Variants in CFAP157 observed in about 807,000 individuals in gnomAD.
CFAP157 encodes the protein cilia- and flagella-associated protein 157.
A neutral mutation model predicts 57.8 loss-of-function variants in CFAP157; 43 were observed. The ratio of observed to expected loss-of-function variants is 0.74; its 90% CI spans 0.58 to 0.96. The LOEUF (loss-of-function observed/expected upper bound fraction) is 0.96. Ranked by LOEUF, CFAP157 falls within the 40% of genes least tolerant of loss-of-function variation. The pLI is 0.00. For synonymous variants in CFAP157, 267 were observed against 269.0 expected (o/e 0.99, Z 0.07); for missense variants, 606 against 655.3 (o/e 0.92, Z 0.82).
rs933718618 is a variant in CFAP157, at chr9:127,709,011, C to CA, written c.162-410dup. 6.6e-6 allele frequency among the ~76,000 whole-genome samples: 1 copy of CA among 152,204 alleles called. No individual in the cohort carries two copies. ...GTCCTGGCTGTGCCACTTACAAACT[C>CA]AGAGTTCCTTTATCCTTCTGAGCCT... On this transcript the variant is annotated intron_variant, in intron 1 of 8. Coordinates refer to ENST00000373295, the MANE Select transcript of CFAP157 (RefSeq NM_001012502.3). The surrounding 1 kb of genome is among the most constrained non-coding windows in gnomAD (Gnocchi z 4.7).
intron 6 of CFAP157, 154 bp downstream of exon 6, chr9:127,712,503 A>G: frequency 6.8e-7 from 1 of 1,465,652 alleles, no homozygotes; most frequent in Non-Finnish European, 9.1e-7. Flanking sequence ...CTGGCCTTCA[A>G]AGATCCCTCC....
Position 127,713,709 on chromosome 9 carries a change from G to A in CFAP157, c.1492-125G>A. On this transcript the variant is annotated intron_variant, in intron 8 of 8. Transcript: ENST00000373295. ...TTTAGTAGAGACAGGGTTTCACCAT[G>A]TTGGCCAGGCTGGTCTCGAACTCCT... 5 of 718,572 alleles carry A rather than the reference G, an allele frequency of 7.0e-6. No homozygotes were observed. In the South Asian group the frequency reaches 7.6e-5, roughly 11 times the overall value. The allele number at this position is 718,572 out of a possible 1,614,324, so 44.5% of individuals were successfully genotyped here.
In CFAP157 at chr9:127,711,225, C is replaced by G; in HGVS notation, c.588-4C>G. ...ACCCCTTCCCCTCCCACCTTTCTGG[C>G]CAGACTGAGGAAAGAGATCATCCAG... is the stretch of plus-strand genomic sequence containing the variant. On this transcript the variant is annotated splice_region_variant and splice_polypyrimidine_tract_variant and intron_variant, in intron 3 of 8. Coordinates refer to ENST00000373295, the MANE Select transcript of CFAP157 (RefSeq NM_001012502.3). 1 of 1,613,078 alleles carries G rather than the reference C, an allele frequency of 6.2e-7. No individual in the cohort carries two copies. Among genetic ancestry groups the G allele is most frequent in the African/African-American group, 1.3e-5 (1 of 75,042 alleles).
chr9:127,712,541 T>C (rs1842790262), intron 6 of CFAP157, 168 bp from the exon 7 acceptor site: 4 of 1,513,492 alleles, frequency 2.6e-6, no homozygotes, highest in Non-Finnish European at 3.6e-6. Flanking sequence ...GGATTCCTTC[T>C]CTGAGGCTCT....
rs1293846091 is a variant in CFAP157, at chr9:127,715,552, G to A, written c.*1647G>A. ...CGCCCCACGCCACTCACCATCCACCGCTTCCCCGGGGGGCGAGGCTCCAAA... is the reference window on the plus strand; with the variant it reads ...CGCCCCACGCCACTCACCATCCACCACTTCCCCGGGGGGCGAGGCTCCAAA... On this transcript the variant is annotated 3_prime_UTR_variant, in exon 9 of 9. Transcript: ENST00000373295. This position sits in a 1 kb window ranked among gnomAD's most constrained non-coding sequence, Gnocchi z 5.8. 1.2e-6 allele frequency: 2 copies of A among 1,613,376 alleles called. No homozygotes were observed. Among genetic ancestry groups the A allele is most frequent in the African/African-American group, 2.7e-5 (2 of 74,942 alleles).
In CFAP157 at chr9:127,715,752, T is replaced by C; in HGVS notation, c.*1847T>C. ...AACGTCCAATCCGGGCCGGGCTACGTGGCCGCCATGCTTCTGAGGGGCGGA... is the reference window on the plus strand; with the variant it reads ...AACGTCCAATCCGGGCCGGGCTACGCGGCCGCCATGCTTCTGAGGGGCGGA... On this transcript the variant is annotated 3_prime_UTR_variant, in exon 9 of 9. Coordinates refer to ENST00000373295, the MANE Select transcript of CFAP157 (RefSeq NM_001012502.3). This position sits in a 1 kb window ranked among gnomAD's most constrained non-coding sequence, Gnocchi z 5.8. The C allele has an allele frequency of 1.3e-6, 2 of 1,530,820 alleles. No homozygotes were observed. The highest frequency in any genetic ancestry group is 2.4e-5 in the East Asian group (1 of 40,918). The allele number at this position is 1,530,820 out of a possible 1,614,324, so 94.8% of individuals were successfully genotyped here. A position where few individuals can be genotyped will look rare whatever the true frequency, so the allele number is the denominator to read the frequency against.
Position 127,714,866 on chromosome 9 carries a change from C to G in CFAP157, c.*961C>G. ...TGCAGCAACTGGAGCTCAACAGGTA[C>G]TTGGAGGTGAACCCGCGGATCTGTC... On this transcript the variant is annotated 3_prime_UTR_variant, in exon 9 of 9. Coordinates refer to ENST00000373295, the MANE Select transcript of CFAP157 (RefSeq NM_001012502.3). 1 of 1,082,192 alleles carries G rather than the reference C, an allele frequency of 9.2e-7. No individual in the cohort carries two copies. The highest frequency in any genetic ancestry group is 1.3e-6 in the Non-Finnish European group (1 of 755,904). The allele number at this position is 1,082,192 out of a possible 1,614,324, so 67.0% of individuals were successfully genotyped here.
Position 127,713,814 on chromosome 9 carries a change from C to A in CFAP157, c.1492-20C>A. ...GAGCCACTGCACCCGGCCTCCAAGC[C>A]AGCATCTTTAATCTTACAGATGCGT... On this transcript the variant is annotated intron_variant, in intron 8 of 8. Coordinates refer to ENST00000373295, the MANE Select transcript of CFAP157 (RefSeq NM_001012502.3). The A allele has an allele frequency of 6.2e-7, 1 of 1,611,878 alleles. No homozygotes were observed. Among genetic ancestry groups the A allele is most frequent in the South Asian group, 1.1e-5 (1 of 91,032 alleles).
chr9:127,715,406 G>A lies in CFAP157; in HGVS notation c.*1501G>A, dbSNP rs1011053023. ...TAGTGCAGGAACGGAGCTTCAAGAA[G>A]TTTGGAGCCCGTCGAGCACTGAACT... On this transcript the variant is annotated 3_prime_UTR_variant, in exon 9 of 9. Coordinates refer to ENST00000373295, the MANE Select transcript of CFAP157 (RefSeq NM_001012502.3). The surrounding 1 kb of genome is among the most constrained non-coding windows in gnomAD (Gnocchi z 5.8). 8 of 1,359,192 alleles carry A rather than the reference G, an allele frequency of 5.9e-6. No homozygotes were observed. Among genetic ancestry groups the A allele is most frequent in the Non-Finnish European group, 1.0e-6 (1 of 979,888 alleles). The allele number at this position is 1,359,192 out of a possible 1,614,324, so 84.2% of individuals were successfully genotyped here.
rs1349842036 is a variant in CFAP157, at chr9:127,715,260, G to C, written c.*1355G>C. On this transcript the variant is annotated 3_prime_UTR_variant, in exon 9 of 9. Transcript: ENST00000373295. The surrounding 1 kb of genome is among the most constrained non-coding windows in gnomAD (Gnocchi z 5.8). ...GCCACCCCCGATCTCACAGCGTCCC[G>C]TGGGCCCCAACGCAGAGGAGCGGAA... The C allele has an allele frequency of 2.0e-6, 3 of 1,480,974 alleles. No individual in the cohort carries two copies. Among genetic ancestry groups the C allele is most frequent in the Non-Finnish European group, 9.1e-7 (1 of 1,097,160 alleles). The allele number at this position is 1,480,974 out of a possible 1,614,324, so 91.7% of individuals were successfully genotyped here. A position where few individuals can be genotyped will look rare whatever the true frequency, so the allele number is the denominator to read the frequency against.
Position 127,709,436 on chromosome 9 carries a change from G to C in CFAP157, c.176G>C (p.Trp59Ser). 1 of 1,613,478 alleles carries C rather than the reference G, an allele frequency of 6.2e-7. No individual in the cohort carries two copies. Among genetic ancestry groups the C allele is most frequent in the Non-Finnish European group, 8.5e-7 (1 of 1,179,920 alleles). Residue 59 changes from tryptophan (W) to serine (S), a missense_variant, in exon 2 of 9, where the codon TGG (tryptophan) becomes TCG (serine). Transcript: ENST00000373295. This position sits in a 1 kb window ranked among gnomAD's most constrained non-coding sequence, Gnocchi z 4.7. The stretch of plus-strand genomic sequence containing the variant: ...CCCTGCCCCAGGTACCAGCGGAAGT[G>C]GGATGAGCTGGCTGTGCAGGAGAAG... ...EDRLARYQRK[W>S]DELAVQEKMF...
chr9:127,709,162 C>T lies in CFAP157; in HGVS notation c.162-260C>T, dbSNP rs1236281875. Among the ~76,000 whole-genome samples, 1 of 152,256 alleles carries T rather than the reference C, an allele frequency of 6.6e-6. No homozygotes were observed. Among genetic ancestry groups the T allele is most frequent in the Non-Finnish European group, 1.5e-5 (1 of 68,038 alleles). On this transcript the variant is annotated intron_variant, in intron 1 of 8. Transcript: ENST00000373295. The surrounding 1 kb of genome is among the most constrained non-coding windows in gnomAD (Gnocchi z 4.7). ...GCCAGGCACAGGTGTTGGGGACATA[C>T]TTGTAAACATAACAAGGCCCTGCCC...
chr9:127,715,719 C>T lies in CFAP157; in HGVS notation c.*1814C>T, dbSNP rs1292067956. On this transcript the variant is annotated 3_prime_UTR_variant, in exon 9 of 9. Coordinates refer to ENST00000373295, the MANE Select transcript of CFAP157 (RefSeq NM_001012502.3). This position sits in a 1 kb window ranked among gnomAD's most constrained non-coding sequence, Gnocchi z 5.8. ...AATCGTGTTGCCAACTGTTTGGCGT[C>T]CACCGCCAACGTCCAATCCGGGCCG... The T allele has an allele frequency of 2.4e-5, 38 of 1,553,706 alleles. No individual in the cohort carries two copies. The highest frequency in any genetic ancestry group is 3.1e-5 in the Non-Finnish European group (36 of 1,154,974).
At chr9:127,710,393 A>G (rs1475928935) in intron 2 of CFAP157, among the ~76,000 whole-genome samples, 1 of 152,112 alleles carries the variant, frequency 6.6e-6, no homozygotes, top group Non-Finnish European at 1.5e-5. Flanking sequence ...CATAAGATTC[A>G]TGGAGGGGTG....
rs1390958868 is a variant in CFAP157 at position 127,714,390 on chromosome 9, G to C, written c.*485G>C. On this transcript the variant is annotated 3_prime_UTR_variant, in exon 9 of 9. Coordinates refer to ENST00000373295, the MANE Select transcript of CFAP157 (RefSeq NM_001012502.3). ...AAGGGTAGACTCACATTGGAGTTGA[G>C]GCAGCTAATGCAGGAACGGACTCCA... 4 of 1,614,244 alleles carry C rather than the reference G, an allele frequency of 2.5e-6. No individual in the cohort carries two copies. In the Admixed American group the frequency reaches 6.7e-5, roughly 27 times the overall value.
At position 127,713,754 on chromosome 9, in the gene CFAP157, G is replaced by A. The variant is rs529858814; in HGVS notation, c.1492-80G>A. 532 of 1,197,058 alleles carry A rather than the reference G, an allele frequency of 4.4e-4. 8 individuals are homozygous for A. In the South Asian group the frequency reaches 6.3e-3, roughly 14 times the overall value. The allele number at this position is 1,197,058 out of a possible 1,614,324, so 74.2% of individuals were successfully genotyped here. ...ACTCCTGACGTCAAGCAATCCCCCA[G>A]CCTCGGCCTCCCAAAGTGCTGGGAT... On this transcript the variant is annotated intron_variant, in intron 8 of 8. Coordinates refer to ENST00000373295, the MANE Select transcript of CFAP157 (RefSeq NM_001012502.3).
In CFAP157 at chr9:127,714,602, C is replaced by A. The variant is rs1457363151; in HGVS notation, c.*697C>A. On this transcript the variant is annotated 3_prime_UTR_variant, in exon 9 of 9. Transcript: ENST00000373295. ...CAACCCTGACCATCTCAGGACCTCA[C>A]CTGGCACTGCCCCCCAGCTTCAGAG... is the stretch of plus-strand genomic sequence containing the variant. The A allele has an allele frequency of 6.2e-7, 1 of 1,613,594 alleles. No individual in the cohort carries two copies. The highest frequency in any genetic ancestry group is 1.7e-5 in the Admixed American group (1 of 59,988).
chr9:127,709,761 A>C lies in CFAP157; in HGVS notation c.433+68A>C. On this transcript the variant is annotated intron_variant, in intron 2 of 8. Transcript: ENST00000373295. This position sits in a 1 kb window ranked among gnomAD's most constrained non-coding sequence, Gnocchi z 4.7. ...AGCTCTATCACTGACCCTGTTTCTC[A>C]CCTGGGAAACAGGGATAATAGCCAC... 43 of 1,514,560 alleles carry C rather than the reference A, an allele frequency of 2.8e-5. No homozygotes were observed. The highest frequency in any genetic ancestry group is 3.8e-5 in the Non-Finnish European group (42 of 1,115,864). The allele number at this position is 1,514,560 out of a possible 1,614,324, so 93.8% of individuals were successfully genotyped here. A position where few individuals can be genotyped will look rare whatever the true frequency, so the allele number is the denominator to read the frequency against.
intron 1 of CFAP157, among the ~76,000 whole-genome samples, chr9:127,708,247 G>A (rs1842690000): frequency 6.6e-6 from 1 of 152,210 alleles, no homozygotes; most frequent in Non-Finnish European, 1.5e-5. Flanking sequence ...GGGAGGCCAA[G>A]GTGGGCAGAT....
Sources: gnomAD v4.1 joint callset for allele counts (sites outside exome capture counted in the v4.1 genomes callset) on GRCh38, gnomAD v4.1.1 for gene constraint, Gnocchi (gnomAD v3.1) non-coding constraint, MANE v1.5 for transcripts, NCBI Gene and HGNC (gene_info 2026-07-23, HGNC 2026-07-21) for gene names.